DOCK3: variants seen among roughly 807,000 people sequenced by gnomAD.
The protein encoded by DOCK3 is dedicator of cytokinesis 3.
Under a neutral mutation model 265.6 loss-of-function variants are expected in DOCK3, and 60 were observed. The ratio of observed to expected loss-of-function variants is 0.23; its 90% CI spans 0.18 to 0.28. The LOEUF (loss-of-function observed/expected upper bound fraction) is 0.28, where lower values mean the gene tolerates loss of function less well. DOCK3 is among the 10% of genes least tolerant of loss of function. The pLI is 1.00. For synonymous variants in DOCK3, 881 were observed against 938.0 expected (o/e 0.94, Z 1.11); for missense variants, 1,981 against 2,594.3 (o/e 0.76, Z 5.14).
intron 27 of DOCK3, among the ~76,000 whole-genome samples, chr3:51,288,884 G>GT: frequency 6.7e-6 from 1 of 149,734 alleles, no homozygotes; most frequent in African/African-American, 2.5e-5. Flanking sequence ...GTGTTTGTGT[G>GT]GGTGTGTGTG....
chr3:51,286,542 G>A (rs2081415911), intron 27 of DOCK3, among the ~76,000 whole-genome samples: 1 of 152,104 alleles, frequency 6.6e-6, no homozygotes, highest in South Asian at 2.1e-4. Flanking sequence ...AAAGCTGGAG[G>A]CATGACATTA....
intron 8 of DOCK3, 114 bp downstream of exon 8, chr3:51,089,398 G>A (rs916811148): frequency 7.6e-7 from 1 of 1,316,082 alleles, no homozygotes; most frequent in Non-Finnish European, 1.1e-6. Context: ...TGACTGTGTG[G>A]TGTCTTTATC....
At chr3:51,311,891 G>A (rs910408676) in intron 28 of DOCK3, 113 bp from the exon 29 acceptor site, 5 of 688,338 alleles carry the variant, frequency 7.3e-6, no homozygotes, top group Non-Finnish European at 1.2e-5. Context: ...ATCTTACATG[G>A]GAACAAATTG....
chr3:51,237,663 C>A, intron 21 of DOCK3, 73 bp downstream of exon 21: 2 of 1,311,328 alleles, frequency 1.5e-6, no homozygotes, highest in Non-Finnish European at 1.1e-6. Context: ...AGTTTAGCTG[C>A]AACCAGCATT....
intron 21 of DOCK3, 142 bp downstream of exon 21, chr3:51,237,732 T>A (rs2078411833): frequency 5.5e-6 from 4 of 726,716 alleles, no homozygotes; most frequent in Non-Finnish European, 6.8e-6. Context: ...AAAATACACA[T>A]AACACAAAAT....
In DOCK3 at chr3:50,712,231, C is replaced by T. The variant is rs994868890; in HGVS notation, c.37+36931C>T. On this transcript the variant is annotated intron_variant, in intron 1 of 52. Transcript: ENST00000266037. ...AATTTTCTATTCTTTTTTCCAGTTT[C>T]TTATGGTGAATGTTTAAGTTATTTG... 2.6e-5 allele frequency among the ~76,000 whole-genome samples: 4 copies of T among 151,924 alleles called. 1 individual carries two copies. Among genetic ancestry groups the T allele is most frequent in the Admixed American group, 2.0e-4 (3 of 15,256 alleles).
chr3:50,879,118 C>T (rs1017775749), intron 3 of DOCK3, among the ~76,000 whole-genome samples: 1 of 152,124 alleles, frequency 6.6e-6, no homozygotes, highest in Non-Finnish European at 1.5e-5. Context: ...TACAAGAGCT[C>T]CTGAAGGAAG....
chr3:51,167,045 G>A (rs1311035140), intron 12 of DOCK3, among the ~76,000 whole-genome samples: 2 of 152,168 alleles, frequency 1.3e-5, no homozygotes, highest in Non-Finnish European at 2.9e-5. Context: ...AAGACCCAAT[G>A]TCAAGGAGCT....
Position 51,383,397 on chromosome 3 carries a change from A to G in DOCK3, c.*1838A>G, listed in dbSNP as rs2088783696. 6.6e-6 allele frequency: 1 copy of G among 152,556 alleles called. No homozygotes were observed. The highest frequency in any genetic ancestry group is 2.4e-5 in the African/African-American group (1 of 41,438). 9.5% of individuals were successfully genotyped at this position (152,556 alleles called of 1,614,324 possible). On this transcript the variant is annotated 3_prime_UTR_variant, in exon 53 of 53. Coordinates refer to ENST00000266037, the MANE Select transcript of DOCK3 (RefSeq NM_004947.5). Reference sequence around the variant, plus strand: ...GCTTCTCAGCCTACATTCATTTGCAAGCTTCAATCTCTGGACCATCTGGTG... The same window carrying G: ...GCTTCTCAGCCTACATTCATTTGCAGGCTTCAATCTCTGGACCATCTGGTG...
chr3:51,193,529 G>A (rs1306158906), intron 12 of DOCK3, among the ~76,000 whole-genome samples: 3 of 152,100 alleles, frequency 2.0e-5, no homozygotes, highest in African/African-American at 7.2e-5. Flanking sequence ...ATTTGGCTGT[G>A]TATCCATCTG....
chr3:51,190,712 G>A (rs1215823809), intron 12 of DOCK3, among the ~76,000 whole-genome samples: 1 of 152,172 alleles, frequency 6.6e-6, no homozygotes, highest in Non-Finnish European at 1.5e-5. Flanking sequence ...GAGGTATTCT[G>A]GTTTCTCAGG....
At chr3:50,912,852 C>T (rs2049931761) in intron 4 of DOCK3, among the ~76,000 whole-genome samples, 1 of 152,064 alleles carries the variant, frequency 6.6e-6, no homozygotes, top group Non-Finnish European at 1.5e-5. Context: ...AGGGCAGTGG[C>T]CTCCTCTCTG....
chr3:50,925,220 A>C (rs777190192), intron 4 of DOCK3, among the ~76,000 whole-genome samples: 1 of 152,236 alleles, frequency 6.6e-6, no homozygotes, highest in African/African-American at 2.4e-5. Context: ...TGAAGCTGAA[A>C]GAGAAAATGA....
At position 51,358,225 on chromosome 3, in the gene DOCK3, CAG is replaced by C; in HGVS notation, c.4884+149_4884+150del. ...AGAGGCTGTCCTCCCTACAGAGGGA[CAG>C]GGGGCAAGGATGGATGCTATATCCA... is the stretch of plus-strand genomic sequence containing the variant. On this transcript the variant is annotated intron_variant, in intron 46 of 52. Coordinates refer to ENST00000266037, the MANE Select transcript of DOCK3 (RefSeq NM_004947.5). 4.2e-6 allele frequency: 3 copies of C among 712,506 alleles called. No homozygotes were observed. In the East Asian group the frequency reaches 8.1e-5, roughly 19 times the overall value. The allele number at this position is 712,506 out of a possible 1,614,324, so 44.1% of individuals were successfully genotyped here.
At chr3:51,260,432 G>C in intron 23 of DOCK3, 106 bp downstream of exon 23, 2 of 1,296,124 alleles carry the variant, frequency 1.5e-6, no homozygotes, top group Non-Finnish European at 1.0e-6. Context: ...AGGATCATGT[G>C]TGTTGGGTAA....
chr3:51,164,581 G>A (rs2086291215), intron 12 of DOCK3, among the ~76,000 whole-genome samples: 1 of 136,314 alleles, frequency 7.3e-6, no homozygotes, highest in East Asian at 2.3e-4. Flanking sequence ...CTGAGATGGC[G>A]CCACTGCACT....
At chr3:51,362,343 C>T (rs953411669) in intron 48 of DOCK3, among the ~76,000 whole-genome samples, 184 bp from the exon 49 acceptor site, 2 of 152,194 alleles carry the variant, frequency 1.3e-5, no homozygotes, top group Non-Finnish European at 2.9e-5. Context: ...AACAACTTCG[C>T]TCCATATGGG....
chr3:51,347,271 A>G (rs1269749944), intron 38 of DOCK3, among the ~76,000 whole-genome samples: 2 of 152,156 alleles, frequency 1.3e-5, no homozygotes, highest in Non-Finnish European at 2.9e-5. Context: ...TTATGGTTTT[A>G]GGCTAACATT....
At chr3:51,251,029 CCCA>C (rs2079192368) in intron 22 of DOCK3, among the ~76,000 whole-genome samples, 1 of 152,128 alleles carries the variant, frequency 6.6e-6, no homozygotes, top group African/African-American at 2.4e-5. Flanking sequence ...ATCCCCCAAC[CCCA>C]CAACAGGCTC....
Sources: allele counts gnomAD v4.1 joint callset (sites outside exome capture counted in the v4.1 genomes callset), GRCh38; gene constraint gnomAD v4.1.1; transcripts MANE v1.5; gene names NCBI Gene and HGNC (gene_info 2026-07-23, HGNC 2026-07-21).